Variants in HCN1 observed in about 807,000 individuals in gnomAD.
HCN1 encodes hyperpolarization activated cyclic nucleotide gated potassium channel 1.
HCN1 carries 13 observed loss-of-function variants against 78.9 expected under a neutral mutation model. The observed-to-expected ratio is 0.16, with a 90% CI of 0.11 to 0.26. HCN1 has a LOEUF of 0.26. HCN1 is among the 10% of genes least tolerant of loss of function. HCN1 has a pLI of 1.00. For synonymous variants in HCN1, 552 were observed against 455.5 expected (o/e 1.21, Z -2.70); for missense variants, 810 against 1,154.3 (o/e 0.70, Z 4.32).
chr5:45,584,108 T>C (rs1481229129), intron 2 of HCN1, among the ~76,000 whole-genome samples: 2 of 151,540 alleles, frequency 1.3e-5, no homozygotes, highest in African/African-American at 4.9e-5. Context: ...CTCGTTGATC[T>C]GTTTAATGTT....
chr5:45,359,941 G>A (rs1434558698), intron 4 of HCN1, among the ~76,000 whole-genome samples: 4 of 146,990 alleles, frequency 2.7e-5, no homozygotes, highest in African/African-American at 9.9e-5. Context: ...TTGACTTTGA[G>A]TATATATATA....
At chr5:45,370,364 T>G (rs1747328139) in intron 4 of HCN1, among the ~76,000 whole-genome samples, 1 of 152,004 alleles carries the variant, frequency 6.6e-6, no homozygotes, top group African/African-American at 2.4e-5. Context: ...CCCATTACAT[T>G]AATTTTTTTT....
At chr5:45,309,690 C>A (rs576690054) in intron 5 of HCN1, among the ~76,000 whole-genome samples, 2 of 152,030 alleles carry the variant, frequency 1.3e-5, no homozygotes, top group Admixed American at 1.3e-4. Context: ...TATGTTGAAC[C>A]GACCTTACAT....
At chr5:45,307,556 C>G (rs940284785) in intron 5 of HCN1, among the ~76,000 whole-genome samples, 2 of 152,020 alleles carry the variant, frequency 1.3e-5, no homozygotes, top group Non-Finnish European at 2.9e-5. Flanking sequence ...TACACCAAAC[C>G]CATAATCCCA....
At chr5:45,500,976 A>G (rs1028704576) in intron 2 of HCN1, among the ~76,000 whole-genome samples, 1 of 152,182 alleles carries the variant, frequency 6.6e-6, no homozygotes, top group Non-Finnish European at 1.5e-5. Flanking sequence ...TATCCTATTT[A>G]TCTCATTCTT....
chr5:45,425,364 C>T (rs530869917), intron 3 of HCN1, among the ~76,000 whole-genome samples: 2 of 152,304 alleles, frequency 1.3e-5, no homozygotes, highest in Admixed American at 6.5e-5. Flanking sequence ...AAAAATCATT[C>T]ATTAAATCCT....
chr5:45,411,764 C>T (rs1236905582), intron 3 of HCN1, among the ~76,000 whole-genome samples: 1 of 152,018 alleles, frequency 6.6e-6, no homozygotes, highest in Non-Finnish European at 1.5e-5. Context: ...AGAAATGGAG[C>T]ATCCCTGACT....
intron 6 of HCN1, among the ~76,000 whole-genome samples, chr5:45,302,563 T>C (rs529827198): frequency 6.6e-6 from 1 of 152,006 alleles, no homozygotes; most frequent in South Asian, 2.1e-4. Context: ...TAAGATCAAA[T>C]AGTCTTTGAC....
At chr5:45,572,816 T>C (rs995806621) in intron 2 of HCN1, among the ~76,000 whole-genome samples, 1 of 152,134 alleles carries the variant, frequency 6.6e-6, no homozygotes, top group Non-Finnish European at 1.5e-5. Flanking sequence ...TGGAGGGACT[T>C]TGTAGTGTTG....
chr5:45,312,369 A>G (rs1745867195), intron 5 of HCN1, among the ~76,000 whole-genome samples: 1 of 152,176 alleles, frequency 6.6e-6, no homozygotes, highest in Admixed American at 6.5e-5. Flanking sequence ...TTTAGATATA[A>G]AAGTATTTGC....
chr5:45,530,213 A>C (rs903805696), intron 2 of HCN1, among the ~76,000 whole-genome samples: 1 of 151,952 alleles, frequency 6.6e-6, no homozygotes, highest in Non-Finnish European at 1.5e-5. Context: ...ATCAGGTGCC[A>C]CTCCTAAATC....
intron 6 of HCN1, among the ~76,000 whole-genome samples, chr5:45,296,338 T>C (rs928473261): frequency 6.6e-6 from 1 of 151,456 alleles, no homozygotes; most frequent in Non-Finnish European, 1.5e-5. Flanking sequence ...GAAAGACAGA[T>C]AGAAAATCCC....
chr5:45,628,904 G>T (rs1745220723), intron 2 of HCN1, among the ~76,000 whole-genome samples: 1 of 151,428 alleles, frequency 6.6e-6, no homozygotes, highest in African/African-American at 2.4e-5. Flanking sequence ...AGGAGGAGGA[G>T]GTCACAGTGA....
intron 2 of HCN1, among the ~76,000 whole-genome samples, chr5:45,470,413 A>T (rs995730842): frequency 1.3e-5 from 2 of 152,090 alleles, no homozygotes; most frequent in South Asian, 4.1e-4. Context: ...CTAAAAAAGA[A>T]CATAAACCTT....
At chr5:45,348,299 T>C (rs574930064) in intron 5 of HCN1, among the ~76,000 whole-genome samples, 3 of 152,182 alleles carry the variant, frequency 2.0e-5, no homozygotes, top group African/African-American at 7.2e-5. Flanking sequence ...TAAAATACTT[T>C]ACAGACAAGC....
chr5:45,323,602 A>C (rs1269286214), intron 5 of HCN1, among the ~76,000 whole-genome samples: 1 of 151,986 alleles, frequency 6.6e-6, no homozygotes, highest in East Asian at 1.9e-4. Flanking sequence ...TTTACAGTAC[A>C]TATGCACAAC....
chr5:45,493,327 T>G (rs1229926394), intron 2 of HCN1, among the ~76,000 whole-genome samples: 1 of 152,040 alleles, frequency 6.6e-6, no homozygotes, highest in Non-Finnish European at 1.5e-5. Context: ...CACGATCATC[T>G]GAAAACTTAT....
intron 2 of HCN1, among the ~76,000 whole-genome samples, chr5:45,549,363 C>G (rs1253344880): frequency 6.6e-6 from 1 of 152,138 alleles, no homozygotes; most frequent in East Asian, 1.9e-4. Context: ...AACATCTGAT[C>G]TTTGACAAAC....
At chr5:45,569,866 G>A (rs1317893545) in intron 2 of HCN1, among the ~76,000 whole-genome samples, 2 of 151,818 alleles carry the variant, frequency 1.3e-5, no homozygotes, top group East Asian at 3.9e-4. Context: ...ATCATCCTAT[G>A]ATTTGGTGCC....
Sources: allele counts gnomAD v4.1 joint callset (sites outside exome capture counted in the v4.1 genomes callset), GRCh38; gene constraint gnomAD v4.1.1; transcripts MANE v1.5; gene names NCBI Gene and HGNC (gene_info 2026-07-23, HGNC 2026-07-21).